PPP1CB: variants seen among roughly 807,000 people sequenced by gnomAD.
PPP1CB encodes the protein protein phosphatase 1 catalytic subunit beta, also known as serine/threonine-protein phosphatase PP1-beta catalytic subunit.
PPP1CB carries 2 observed loss-of-function variants against 43.7 expected under a neutral mutation model. The ratio of observed to expected loss-of-function variants is 0.05; its 90% CI spans 0.02 to 0.14. The LOEUF is 0.14. Among genes scored for constraint, PPP1CB ranks in the 10% least tolerant of loss-of-function variants. PPP1CB has a pLI of 1.00. For missense variants in PPP1CB, 84 were observed against 398.0 expected, an observed-to-expected ratio of 0.21 and a Z score of 6.71; for synonymous variants, 136 against 135.6, an observed-to-expected ratio of 1.00 and a Z score of -0.02.
Position 28,752,158 on chromosome 2 carries a change from A to T in PPP1CB, c.34A>T (p.Ile12Phe). 1 of 1,548,166 alleles carries T rather than the reference A, an allele frequency of 6.5e-7. No individual in the cohort carries two copies. Among genetic ancestry groups the T allele is most frequent in the Non-Finnish European group, 8.7e-7 (1 of 1,145,384 alleles). The change falls in exon 1 of 8, where the codon ATC (isoleucine) becomes TTC (phenylalanine). Residue 12 changes from isoleucine to phenylalanine, a missense_variant. Physicochemically the swap from Ile to Phe is conservative, Grantham distance 21 (BLOSUM62 0). This residue lies in a region of PPP1CB where 27 missense variants were observed against 42.7 expected (regional missense o/e 0.63). Transcript: ENST00000395366. ...ADGELNVDSL[I>F]TRLLEVRGCR... The stretch of plus-strand genomic sequence containing the variant: ...CGGGGAGCTGAACGTGGACAGCCTC[A>T]TCACCCGGCTGCTGGAGGGTGAGTG...
At position 28,763,035 on chromosome 2, in the gene PPP1CB, T is replaced by C. The variant is rs565279240; in HGVS notation, c.52+10859T>C. Among the ~76,000 whole-genome samples, 12 of 152,346 alleles carry C rather than the reference T, an allele frequency of 7.9e-5. No individual in the cohort carries two copies. In the South Asian group the frequency reaches 2.3e-3, roughly 29 times the overall value. On this transcript the variant is annotated intron_variant, in intron 1 of 7. Transcript: ENST00000395366. ...TGTTCACGTGTATCTGTTGAATATC[T>C]AAGTCTGAATAACCATAGTTTGTCA...
rs973793443 is a variant in PPP1CB, at chr2:28,801,374, T to TA, written c.*2071_*2072insA. On this transcript the variant is annotated 3_prime_UTR_variant, in exon 8 of 8. Transcript: ENST00000395366. ...TAAACCACATTAATCTGTATCCCAT[T>TA]GTCTGGCTTTTGTAAATTCATCCAG... 5 of 152,072 alleles carry TA rather than the reference T, an allele frequency of 3.3e-5. No individual in the cohort carries two copies. Among genetic ancestry groups the TA allele is most frequent in the Non-Finnish European group, 7.4e-5 (5 of 67,968 alleles). The allele number at this position is 152,072 out of a possible 1,614,324, so 9.4% of individuals were successfully genotyped here.
chr2:28,778,225 G>A (rs1667081073), intron 2 of PPP1CB: 2 of 368,356 alleles, frequency 5.4e-6, no homozygotes, highest in African/African-American at 4.2e-5. Context: ...GTGTTAAAAA[G>A]TGACGTAAGT....
At chr2:28,784,256 C>T (rs1186171755) in intron 5 of PPP1CB, among the ~76,000 whole-genome samples, 2 of 152,098 alleles carry the variant, frequency 1.3e-5, no homozygotes, top group African/African-American at 4.8e-5. Context: ...TTTCTAAATT[C>T]CCTCATTCAT....
chr2:28,796,505 T>G (rs1370729070), intron 7 of PPP1CB, among the ~76,000 whole-genome samples: 4 of 152,144 alleles, frequency 2.6e-5, no homozygotes, highest in Non-Finnish European at 5.9e-5. Context: ...TTCACCTCCC[T>G]GGTTAGCTGT....
rs769650329 is a variant in PPP1CB, at chr2:28,785,065, C to CTTTTTTTTTTTTTTTTTTTTTTTTT, written c.592+1091_592+1115dup. On this transcript the variant is annotated intron_variant, in intron 5 of 7. Coordinates refer to ENST00000395366, the MANE Select transcript of PPP1CB (RefSeq NM_002709.3). ...ATGTTGTAATAAATTGTGTTAGGAGCTTTTTTTTTTTTTTTTTTTTTTTTT... is the reference window on the plus strand; with the variant it reads ...ATGTTGTAATAAATTGTGTTAGGAGCTTTTTTTTTTTTTTTTTTTTTTTTTTTTTTTTTTTTTTTTTTTTTTTTTT... 4.5e-4 allele frequency among the ~76,000 whole-genome samples: 25 copies of CTTTTTTTTTTTTTTTTTTTTTTTTT among 54,996 alleles called. 6 individuals are homozygous for CTTTTTTTTTTTTTTTTTTTTTTTTT. The highest frequency in any genetic ancestry group is 7.0e-4 in the Non-Finnish European group (20 of 28,692). 36.1% of individuals were successfully genotyped at this position (54,996 alleles called of 152,430 possible). A position where few individuals can be genotyped will look rare whatever the true frequency, so the allele number is the denominator to read the frequency against.
intron 1 of PPP1CB, among the ~76,000 whole-genome samples, chr2:28,759,580 G>C (rs532982579): frequency 6.8e-6 from 1 of 146,976 alleles, no homozygotes; most frequent in African/African-American, 2.5e-5. Context: ...CATAATACTT[G>C]ATAATGGTAA....
intron 3 of PPP1CB, among the ~76,000 whole-genome samples, 159 bp from the exon 4 acceptor site, chr2:28,781,579 G>T (rs1022289343): frequency 6.6e-6 from 1 of 152,066 alleles, no homozygotes; most frequent in Non-Finnish European, 1.5e-5. Context: ...CTTTTTGAAA[G>T]TACGTAAATA....
At chr2:28,774,884 T>G (rs1666999613) in intron 1 of PPP1CB, among the ~76,000 whole-genome samples, 2 of 152,178 alleles carry the variant, frequency 1.3e-5, no homozygotes, top group African/African-American at 2.4e-5. Flanking sequence ...TAAAAGCAGT[T>G]CTGCTGATCA....
At chr2:28,754,588 A>G (rs993056508) in intron 1 of PPP1CB, among the ~76,000 whole-genome samples, 2 of 152,220 alleles carry the variant, frequency 1.3e-5, no homozygotes, top group Admixed American at 1.3e-4. Context: ...TTAGTTTGAC[A>G]GTGCCCCCAA....
intron 3 of PPP1CB, among the ~76,000 whole-genome samples, chr2:28,781,115 C>T (rs1157868633): frequency 6.6e-6 from 1 of 152,002 alleles, no homozygotes; most frequent in African/African-American, 2.4e-5. Context: ...TTAAAAATTG[C>T]TATATTATAC....
At chr2:28,758,394 A>G (rs1666538774) in intron 1 of PPP1CB, among the ~76,000 whole-genome samples, 1 of 152,188 alleles carries the variant, frequency 6.6e-6, no homozygotes, top group Admixed American at 6.5e-5. Flanking sequence ...TTATTCTCGA[A>G]TGTTGGTGGC....
rs1223668744 is a variant in PPP1CB, at chr2:28,752,100, G to T, written c.-25G>T. The T allele has an allele frequency of 1.4e-5, 21 of 1,549,886 alleles. No homozygotes were observed. Among genetic ancestry groups the T allele is most frequent in the Non-Finnish European group, 1.7e-5 (20 of 1,145,996 alleles). On this transcript the variant is annotated 5_prime_UTR_variant, in exon 1 of 8. Coordinates refer to ENST00000395366, the MANE Select transcript of PPP1CB (RefSeq NM_002709.3). The stretch of plus-strand genomic sequence containing the variant: ...CCGAGAAGCCCTTGTTCCCGCTGCT[G>T]GGAAGGAGAGTCTGTGCCGACAAGA...
chr2:28,767,391 A>G (rs758620824), intron 1 of PPP1CB, among the ~76,000 whole-genome samples: 3 of 152,162 alleles, frequency 2.0e-5, no homozygotes, highest in Admixed American at 6.5e-5. Flanking sequence ...CATAATGACT[A>G]CAATGCCTTA....
intron 1 of PPP1CB, among the ~76,000 whole-genome samples, chr2:28,752,687 C>T (rs1403146933): frequency 1.3e-5 from 2 of 152,162 alleles, no homozygotes; most frequent in East Asian, 1.9e-4. Flanking sequence ...GCTTCGTCTG[C>T]TCTGCATTTT....
chr2:28,783,717 A>G (rs542165048), intron 4 of PPP1CB, among the ~76,000 whole-genome samples, 190 bp from the exon 5 acceptor site: 21 of 152,032 alleles, frequency 1.4e-4, no homozygotes, highest in African/African-American at 5.1e-4. Context: ...AGATCACGCT[A>G]CTGCACTGCA....
At chr2:28,795,860 T>G (rs574459124) in intron 7 of PPP1CB, among the ~76,000 whole-genome samples, 30 of 152,314 alleles carry the variant, frequency 2.0e-4, no homozygotes, top group African/African-American at 7.2e-4. Flanking sequence ...GGTCATAAAT[T>G]ATTTCCCAAG....
At chr2:28,766,259 G>A (rs1045902353) in intron 1 of PPP1CB, among the ~76,000 whole-genome samples, 1 of 152,198 alleles carries the variant, frequency 6.6e-6, no homozygotes, top group African/African-American at 2.4e-5. Flanking sequence ...AAAATCCTGT[G>A]TGGTTGGCCA....
At chr2:28,765,652 C>CG (rs1666763928) in intron 1 of PPP1CB, among the ~76,000 whole-genome samples, 1 of 152,222 alleles carries the variant, frequency 6.6e-6, no homozygotes. Context: ...TATGGTGGCT[C>CG]GCGCCTTTAA....
Sources: allele counts gnomAD v4.1 joint callset (sites outside exome capture counted in the v4.1 genomes callset), GRCh38; gene constraint gnomAD v4.1.1; regional missense constraint gnomAD v4.1.1; transcripts MANE v1.5; gene names NCBI Gene and HGNC (gene_info 2026-07-23, HGNC 2026-07-21).